ZBED6: variants seen among roughly 807,000 people sequenced by gnomAD.
ZBED6 encodes the protein zinc finger BED domain-containing protein 6.
In ZBED6, 40 loss-of-function variants were observed where a neutral mutation model predicts 58.4. The observed-to-expected ratio is 0.68, with a 90% confidence interval of 0.53 to 0.89. The LOEUF is 0.89. ZBED6 is among the 40% of genes least tolerant of loss of function. The pLI is 0.00. For missense variants in ZBED6, 1,057 were observed against 1,003.9 expected, an observed-to-expected ratio of 1.05 and a Z score of -0.71; for synonymous variants, 439 against 350.6, an observed-to-expected ratio of 1.25 and a Z score of -2.82.
intron 1 of ZBED6, among the ~76,000 whole-genome samples, chr1:203,811,092 GAT>G (rs1674331810): frequency 6.7e-6 from 1 of 149,702 alleles, no homozygotes; most frequent in Non-Finnish European, 1.5e-5. Context: ...AATGAGCCGA[GAT>G]TGCGCCACTG....
chr1:203,851,144 T>G lies in ZBED6; in HGVS notation c.*4873+20T>G. 1 of 1,612,852 alleles carries G rather than the reference T, an allele frequency of 6.2e-7. No individual in the cohort carries two copies. ...AGACAGGTAATACTTTGTAATTCTT[T>G]CTAAACAAACTCCAGGCCCCTGTTA... On this transcript the variant is annotated intron_variant, in intron 16 of 16. Transcript: ENST00000550078.
chr1:203,814,425 G>C (rs1675558292), intron 1 of ZBED6, among the ~76,000 whole-genome samples: 1 of 152,158 alleles, frequency 6.6e-6, no homozygotes, highest in Non-Finnish European at 1.5e-5. Flanking sequence ...TTGGGAGACT[G>C]AGGCGGGAGA....
rs774771270 is a variant in ZBED6, at chr1:203,830,925, A to ATTTTTTTTTTTTT, written c.*3400-710_*3400-698dup. Among the ~76,000 whole-genome samples, 9 of 51,386 alleles carry ATTTTTTTTTTTTT rather than the reference A, an allele frequency of 1.8e-4. 1 individual carries two copies. The highest frequency in any genetic ancestry group is 4.3e-4 in the African/African-American group (6 of 14,090). The allele number at this position is 51,386 out of a possible 152,430, so 33.7% of individuals were successfully genotyped here. On this transcript the variant is annotated intron_variant, in intron 7 of 16. Coordinates refer to ENST00000550078, the Ensembl canonical transcript of ZBED6. The stretch of plus-strand genomic sequence containing the variant: ...GATTGCTCTGTATTTCCAACCCCCA[A>ATTTTTTTTTTTTT]TTTTTTTTTTTTTTTTTTTTTTTTT...
At chr1:203,798,271 A>G in exon 1 of ZBED6, 2 of 1,536,172 alleles carry the variant, frequency 1.3e-6, no homozygotes, top group Non-Finnish European at 1.7e-6. Context: ...TTTCTCATCA[A>G]AAGTAACATT....
At chr1:203,820,804 G>A (rs895640560) in intron 3 of ZBED6, among the ~76,000 whole-genome samples, 1 of 152,006 alleles carries the variant, frequency 6.6e-6, no homozygotes, top group African/African-American at 2.4e-5. Flanking sequence ...ATATCATCCC[G>A]TGGCACACAG....
chr1:203,813,801 A>G (rs192128127), intron 1 of ZBED6, among the ~76,000 whole-genome samples: 95 of 152,082 alleles, frequency 6.2e-4, no homozygotes, highest in Middle Eastern at 3.4e-3. Flanking sequence ...CCACATGGTC[A>G]TCTTCTCCTT....
At position 203,833,921 on chromosome 1, in the gene ZBED6, A is replaced by T. The variant is rs570885399; in HGVS notation, c.*3573+68A>T. 17 of 1,545,558 alleles carry T rather than the reference A, an allele frequency of 1.1e-5. No individual in the cohort carries two copies. The East Asian group carries it at 3.9e-4, about 36-fold the overall frequency. ...GTGCATTAACATGATAGCTTCTCCA[A>T]ACTCTTTTTATACAGATCTTTGTTA... On this transcript the variant is annotated intron_variant, in intron 9 of 16. Transcript: ENST00000550078.
chr1:203,842,325 G>A (rs1163000088), intron 11 of ZBED6, among the ~76,000 whole-genome samples: 2 of 152,326 alleles, frequency 1.3e-5, no homozygotes, highest in Non-Finnish European at 2.9e-5. Context: ...CACTGAGTGA[G>A]CGAGACTCCG....
exon 1 of ZBED6, chr1:203,802,714 C>CTTTTTTT (rs150416242): frequency 3.8e-5 from 5 of 131,646 alleles, no homozygotes; most frequent in African/African-American, 1.4e-4. Flanking sequence ...TAAATGAACT[C>CTTTTTTT]TTTTTTTTTG....
exon 1 of ZBED6, chr1:203,800,513 T>G: frequency 2.8e-6 from 4 of 1,419,060 alleles, no homozygotes; most frequent in Non-Finnish European, 3.7e-6. Context: ...TTACTGTATC[T>G]TAATAGCTGT....
intron 8 of ZBED6, 29 bp from the exon 9 acceptor site, chr1:203,833,762 A>G (rs200756419): frequency 1.2e-6 from 2 of 1,600,142 alleles, no homozygotes; most frequent in Middle Eastern, 1.7e-4. Context: ...TTGACTAAGG[A>G]TAGAGAAATT....
intron 3 of ZBED6, among the ~76,000 whole-genome samples, chr1:203,819,206 A>AT (rs953666625): frequency 1.4e-5 from 2 of 144,292 alleles, no homozygotes; most frequent in South Asian, 2.2e-4. Context: ...CCTCTATGCA[A>AT]TTTTTTTTTC....
exon 1 of ZBED6, chr1:203,802,138 CTG>C (rs1363808057): frequency 6.6e-6 from 1 of 152,582 alleles, no homozygotes; most frequent in African/African-American, 2.4e-5. Flanking sequence ...CTGCACCACT[CTG>C]TAGTTACTCT....
intron 3 of ZBED6, 108 bp from the exon 4 acceptor site, chr1:203,828,191 T>C: frequency 7.6e-7 from 1 of 1,311,728 alleles, no homozygotes. Context: ...TCATCTCACA[T>C]GCCTCGGATT....
chr1:203,807,583 G>A (rs1307755311), intron 1 of ZBED6, among the ~76,000 whole-genome samples: 2 of 151,900 alleles, frequency 1.3e-5, no homozygotes, highest in African/African-American at 4.8e-5. Context: ...CTGGAGTGCA[G>A]TGATGTGATC....
chr1:203,799,510 A>T (rs1222506437), exon 1 of ZBED6: 1 of 702,958 alleles, frequency 1.4e-6, no homozygotes, highest in South Asian at 1.5e-5. Context: ...GAGCATTGCT[A>T]CTCAGTTCAC....
At chr1:203,825,716 C>T (rs868846504) in intron 3 of ZBED6, among the ~76,000 whole-genome samples, 1 of 151,972 alleles carries the variant, frequency 6.6e-6, no homozygotes, top group Admixed American at 6.6e-5. Context: ...TGAGCCACCA[C>T]GCCTGGCATG....
intron 11 of ZBED6, among the ~76,000 whole-genome samples, chr1:203,841,046 C>T (rs113358241): frequency 2.0e-5 from 3 of 151,688 alleles, no homozygotes; most frequent in African/African-American, 4.8e-5. Flanking sequence ...TGCTGAACAA[C>T]GATATGGAAA....
chr1:203,817,596 TTG>T (rs1676785808), intron 2 of ZBED6, among the ~76,000 whole-genome samples: 1 of 152,106 alleles, frequency 6.6e-6, no homozygotes, highest in Non-Finnish European at 1.5e-5. Flanking sequence ...AAATATGCTT[TTG>T]CAGTTTTTTG....
Sources: gnomAD v4.1 joint callset for allele counts (sites outside exome capture counted in the v4.1 genomes callset) on GRCh38, gnomAD v4.1.1 for gene constraint, MANE v1.5 for transcripts, NCBI Gene and HGNC (gene_info 2026-07-23, HGNC 2026-07-21) for gene names.